Variants in ADAM22 observed in about 807,000 individuals in gnomAD.
ADAM22 encodes disintegrin and metalloproteinase domain-containing protein 22.
A neutral mutation model predicts 144.6 loss-of-function variants in ADAM22; 65 were observed. That is an observed-to-expected ratio of 0.45 (90% CI 0.37 to 0.55). The LOEUF (loss-of-function observed/expected upper bound fraction) is 0.55, where lower values mean the gene tolerates loss of function less well. Among genes scored for constraint, ADAM22 ranks in the 20% least tolerant of loss-of-function variants. ADAM22 has a pLI of 0.00. For synonymous variants in ADAM22, 391 were observed against 412.6 expected, an observed-to-expected ratio of 0.95 and a Z score of 0.63; for missense variants, 974 against 1,184.9, an observed-to-expected ratio of 0.82 and a Z score of 2.61.
intron 3 of ADAM22, among the ~76,000 whole-genome samples, chr7:88,012,084 A>T (rs1240743603): frequency 6.7e-6 from 1 of 148,530 alleles, no homozygotes; most frequent in East Asian, 2.0e-4. Flanking sequence ...GTTTTTGTGG[A>T]CATAGCTTCA....
chr7:88,064,233 A>G (rs1810614474), intron 3 of ADAM22, among the ~76,000 whole-genome samples: 1 of 152,244 alleles, frequency 6.6e-6, no homozygotes, highest in African/African-American at 2.4e-5. Context: ...ACATATGTAG[A>G]AAACTAGACA....
At chr7:88,076,623 G>C (rs1377337604) in intron 4 of ADAM22, among the ~76,000 whole-genome samples, 2 of 151,564 alleles carry the variant, frequency 1.3e-5, no homozygotes, top group Admixed American at 1.3e-4. Flanking sequence ...TACTGGTTAT[G>C]ACAGGTAAAC....
intron 2 of ADAM22, among the ~76,000 whole-genome samples, chr7:87,941,352 T>G (rs1842437914): frequency 6.6e-6 from 1 of 152,222 alleles, no homozygotes; most frequent in African/African-American, 2.4e-5. Flanking sequence ...CATATTCCTG[T>G]GCATGGATGA....
chr7:88,055,861 G>A (rs1451967104), intron 3 of ADAM22, among the ~76,000 whole-genome samples: 1 of 151,996 alleles, frequency 6.6e-6, no homozygotes, highest in African/African-American at 2.4e-5. Context: ...ACATCTTTTG[G>A]CTATCTCTCC....
chr7:87,961,042 G>T (rs2129445225), intron 2 of ADAM22, among the ~76,000 whole-genome samples: 1 of 152,280 alleles, frequency 6.6e-6, no homozygotes, highest in Admixed American at 6.5e-5. Flanking sequence ...AAGGTGATAA[G>T]TACTATGGAA....
intron 5 of ADAM22, among the ~76,000 whole-genome samples, chr7:88,113,200 A>G (rs139401555): frequency 2.9e-3 from 355 of 120,762 alleles, no homozygotes; most frequent in African/African-American, 0.011. Context: ...TGACATGTCC[A>G]TTTTTCCAGT....
At chr7:88,003,759 A>G (rs1274986469) in intron 3 of ADAM22, among the ~76,000 whole-genome samples, 1 of 151,380 alleles carries the variant, frequency 6.6e-6, no homozygotes, top group African/African-American at 2.5e-5. Flanking sequence ...ATTTCTTGAG[A>G]TGATTTTAAA....
chr7:88,067,403 C>A (rs112393519), intron 3 of ADAM22, among the ~76,000 whole-genome samples: 16 of 151,946 alleles, frequency 1.1e-4, no homozygotes, highest in Admixed American at 4.6e-4. Context: ...CTCCTCCCCC[C>A]ACCCCACAAC....
chr7:88,007,299 A>G (rs1584971324), intron 3 of ADAM22, among the ~76,000 whole-genome samples: 1 of 152,194 alleles, frequency 6.6e-6, no homozygotes, highest in South Asian at 2.1e-4. Context: ...GGAAGAATCA[A>G]TATCGTGAAA....
At chr7:88,036,655 AT>A (rs1801587839) in intron 3 of ADAM22, among the ~76,000 whole-genome samples, 1 of 152,046 alleles carries the variant, frequency 6.6e-6, no homozygotes, top group Non-Finnish European at 1.5e-5. Flanking sequence ...GTTTATTTTT[AT>A]TTTAATTAAC....
chr7:88,144,804 C>T (rs1835859894), intron 15 of ADAM22, among the ~76,000 whole-genome samples: 1 of 151,990 alleles, frequency 6.6e-6, no homozygotes, highest in Non-Finnish European at 1.5e-5. Context: ...TCAGGAGAGA[C>T]TCTGGCTTGA....
chr7:87,965,652 C>T (rs1402442888), intron 2 of ADAM22, among the ~76,000 whole-genome samples: 3 of 152,112 alleles, frequency 2.0e-5, no homozygotes, highest in African/African-American at 7.2e-5. Context: ...TAAAAGTGAG[C>T]CTTTACTCTC....
At chr7:87,959,480 T>C (rs1310870987) in intron 2 of ADAM22, among the ~76,000 whole-genome samples, 7 of 152,202 alleles carry the variant, frequency 4.6e-5, no homozygotes, top group Non-Finnish European at 7.3e-5. Context: ...CTGTGATTTG[T>C]ATCAAAGTCT....
intron 2 of ADAM22, among the ~76,000 whole-genome samples, chr7:87,944,869 A>AT (rs1460878106): frequency 7.1e-6 from 1 of 140,292 alleles, no homozygotes; most frequent in East Asian, 2.0e-4. Flanking sequence ...TCATCCACAC[A>AT]TGAGCTTTAA....
intron 3 of ADAM22, among the ~76,000 whole-genome samples, chr7:88,018,488 C>G (rs1797041124): frequency 6.6e-6 from 1 of 151,996 alleles, no homozygotes; most frequent in Admixed American, 6.6e-5. Flanking sequence ...CTGAGTAGAG[C>G]AGGAAAACAT....
At chr7:87,992,299 TG>T (rs1790095784) in intron 3 of ADAM22, among the ~76,000 whole-genome samples, 1 of 152,040 alleles carries the variant, frequency 6.6e-6, no homozygotes, top group African/African-American at 2.4e-5. Flanking sequence ...TTCAGGGGGC[TG>T]GGGAGGGCTG....
intron 3 of ADAM22, among the ~76,000 whole-genome samples, chr7:88,071,112 A>T (rs190379427): frequency 6.6e-6 from 1 of 152,290 alleles, no homozygotes; most frequent in East Asian, 1.9e-4. Context: ...AAGCAAGTAC[A>T]GTGGAAAGAG....
In ADAM22 at chr7:88,168,643, A is replaced by G. The variant is rs550367107; in HGVS notation, c.2282+416A>G. On this transcript the variant is annotated intron_variant, in intron 25 of 31. Coordinates refer to ENST00000413139, the MANE Select transcript of ADAM22 (RefSeq NM_001324418.2). ...GATTTATATAATCTGAAAAGAAACC[A>G]GAGTATTCAATTTCCTTTTTAAGTG... is the stretch of plus-strand genomic sequence containing the variant. Among the ~76,000 whole-genome samples, 4 of 152,336 alleles carry G rather than the reference A, an allele frequency of 2.6e-5. No individual in the cohort carries two copies. In the South Asian group the frequency reaches 8.3e-4, roughly 32 times the overall value.
chr7:88,032,442 A>G (rs1800517021), intron 3 of ADAM22, among the ~76,000 whole-genome samples: 1 of 152,178 alleles, frequency 6.6e-6, no homozygotes, highest in Non-Finnish European at 1.5e-5. Context: ...GCATTTACCC[A>G]ATGCCTATAC....
Sources: gnomAD v4.1 joint callset for allele counts (sites outside exome capture counted in the v4.1 genomes callset) on GRCh38, gnomAD v4.1.1 for gene constraint, MANE v1.5 for transcripts, NCBI Gene and HGNC (gene_info 2026-07-23, HGNC 2026-07-21) for gene names.